DNAH6: variants seen among roughly 807,000 people sequenced by gnomAD.
The protein encoded by DNAH6 is dynein axonemal heavy chain 6.
Under a neutral mutation model 491.4 loss-of-function variants are expected in DNAH6, and 340 were observed. The ratio of observed to expected loss-of-function variants is 0.69; its 90% CI spans 0.63 to 0.76. The LOEUF (loss-of-function observed/expected upper bound fraction) is 0.76. DNAH6 is among the 30% of genes least tolerant of loss of function. DNAH6 has a pLI of 0.00. For synonymous variants in DNAH6, 1,603 were observed against 1,686.1 expected (o/e 0.95, Z 1.21); for missense variants, 4,443 against 4,972.2 (o/e 0.89, Z 3.20).
chr2:84,679,260 ATTAG>A (rs778706481), intron 41 of DNAH6, among the ~76,000 whole-genome samples: 2 of 152,180 alleles, frequency 1.3e-5, no homozygotes, highest in Admixed American at 1.3e-4. Flanking sequence ...TCTGTTGCAA[ATTAG>A]TTAAATAGTG....
chr2:84,686,422 C>T (rs1694262131), intron 43 of DNAH6, 62 bp from the exon 44 acceptor site: 2 of 935,882 alleles, frequency 2.1e-6, no homozygotes, highest in Non-Finnish European at 3.3e-6. Flanking sequence ...TATGTTTTAT[C>T]ACTAAAATAT....
intron 24 of DNAH6, among the ~76,000 whole-genome samples, chr2:84,620,408 CT>C (rs1216697957): frequency 2.6e-5 from 4 of 152,198 alleles, no homozygotes; most frequent in African/African-American, 9.6e-5. Flanking sequence ...TGCACAGCCC[CT>C]GGCATATGGG....
chr2:84,652,671 T>A (rs2104560931), intron 33 of DNAH6, among the ~76,000 whole-genome samples: 1 of 152,168 alleles, frequency 6.6e-6, no homozygotes, highest in East Asian at 1.9e-4. Flanking sequence ...AGTACTTTCA[T>A]CACTTTATGT....
chr2:84,654,493 T>C (rs1431514414), intron 34 of DNAH6, among the ~76,000 whole-genome samples, 167 bp from the exon 35 acceptor site: 2 of 152,162 alleles, frequency 1.3e-5, no homozygotes, highest in Non-Finnish European at 2.9e-5. Context: ...TTAACTTTCT[T>C]CCTCCATTTC....
At chr2:84,673,588 G>T (rs1042020869) in intron 40 of DNAH6, among the ~76,000 whole-genome samples, 2 of 152,206 alleles carry the variant, frequency 1.3e-5, no homozygotes, top group Admixed American at 1.3e-4. Context: ...ACATGATCCC[G>T]ACGTCCCACA....
the DNAH6 span, among the ~76,000 whole-genome samples, chr2:84,504,083 G>GT: frequency 6.6e-6 from 1 of 151,820 alleles, no homozygotes; most frequent in African/African-American, 2.4e-5. Context: ...AGGCATACTT[G>GT]TTTTTTGTTA....
At chr2:84,694,539 T>G in intron 46 of DNAH6, 59 bp downstream of exon 46, 1 of 1,271,362 alleles carries the variant, frequency 7.9e-7, no homozygotes, top group Non-Finnish European at 1.1e-6. Flanking sequence ...TACAATCGGG[T>G]GTGTGCTTTG....
chr2:84,659,412 A>G (rs1047898437), intron 37 of DNAH6, among the ~76,000 whole-genome samples: 5 of 152,160 alleles, frequency 3.3e-5, no homozygotes, highest in Non-Finnish European at 5.9e-5. Flanking sequence ...ACTGTAAACA[A>G]ATATTGAATT....
At chr2:84,672,014 C>A (rs1692785046) in intron 39 of DNAH6, among the ~76,000 whole-genome samples, 1 of 152,200 alleles carries the variant, frequency 6.6e-6, no homozygotes, top group South Asian at 2.1e-4. Context: ...CACATGGTTG[C>A]TGAGGGCAGT....
rs1542477 is a variant in DNAH6, at chr2:84,544,443, C to T, written c.873C>T (p.Ser291=). 0.91 allele frequency: 1,392,736 copies of T among 1,528,912 alleles called. 640,892 individuals are homozygous for T. The highest frequency in any genetic ancestry group is 0.98 in the East Asian group (39,819 of 40,664). The allele number at this position is 1,528,912 out of a possible 1,614,324, so 94.7% of individuals were successfully genotyped here. ...GTGTATGGAGGAAGAATGTCCGCTC[C>T]AAGAAAATCACTGGATGTCAAAAAT... ...AFSVWRKNVR[S]KKITGCQKSL... Residue 291 remains serine (S), a synonymous_variant, in exon 5 of 77, where the codon TCC becomes TCT. Coordinates refer to ENST00000389394, the MANE Select transcript of DNAH6 (RefSeq NM_001370.2).
chr2:84,548,013 G>A (rs1321825724), intron 7 of DNAH6, among the ~76,000 whole-genome samples: 1 of 152,268 alleles, frequency 6.6e-6, no homozygotes, highest in South Asian at 2.1e-4. Context: ...AGGTAGAAAA[G>A]GAGGGTAAAG....
intron 68 of DNAH6, among the ~76,000 whole-genome samples, chr2:84,791,586 C>G (rs1677751050): frequency 6.6e-6 from 1 of 151,174 alleles, no homozygotes; most frequent in Admixed American, 6.6e-5. Context: ...TGGAAATGTT[C>G]TAAAATTAGA....
intron 14 of DNAH6, 54 bp from the exon 15 acceptor site, chr2:84,583,945 A>G: frequency 6.3e-7 from 1 of 1,587,408 alleles, no homozygotes; most frequent in Non-Finnish European, 8.6e-7. Flanking sequence ...AACAAACTTC[A>G]AGACTAAACT....
intron 11 of DNAH6, among the ~76,000 whole-genome samples, chr2:84,570,775 C>T (rs1007511575): frequency 2.0e-5 from 3 of 152,182 alleles, no homozygotes; most frequent in Admixed American, 1.3e-4. Flanking sequence ...GCAACCCACT[C>T]GGGTCCCCTT....
chr2:84,504,994 A>C, the DNAH6 span, among the ~76,000 whole-genome samples: 1 of 152,218 alleles, frequency 6.6e-6, no homozygotes, highest in South Asian at 2.1e-4. Flanking sequence ...TCATGAACAC[A>C]TGATGCCTTG....
chr2:84,617,368 T>C (rs1472583281), intron 23 of DNAH6, among the ~76,000 whole-genome samples: 1 of 152,088 alleles, frequency 6.6e-6, no homozygotes, highest in Non-Finnish European at 1.5e-5. Flanking sequence ...AGTTATACTC[T>C]TTTAGTTATT....
upstream of DNAH6, among the ~76,000 whole-genome samples, chr2:84,513,661 G>A (rs1412852577): frequency 1.3e-5 from 2 of 151,432 alleles, no homozygotes; most frequent in East Asian, 3.9e-4. Context: ...TTGTATGCTT[G>A]GGTTTTTTTT....
At chr2:84,470,286 G>A in the DNAH6 span, among the ~76,000 whole-genome samples, 3 of 152,296 alleles carry the variant, frequency 2.0e-5, no homozygotes, top group Admixed American at 1.3e-4. Context: ...CCAAGAGAGG[G>A]TTCTTGGATC....
the DNAH6 span, among the ~76,000 whole-genome samples, chr2:84,472,586 T>C: frequency 6.6e-6 from 1 of 152,194 alleles, no homozygotes; most frequent in Non-Finnish European, 1.5e-5. Flanking sequence ...TGTTCCTTGA[T>C]GTGGCAAATG....
Sources: allele counts gnomAD v4.1 joint callset (sites outside exome capture counted in the v4.1 genomes callset), GRCh38; gene constraint gnomAD v4.1.1; transcripts MANE v1.5; gene names NCBI Gene and HGNC (gene_info 2026-07-23, HGNC 2026-07-21).